Variants in PSME4 observed in about 807,000 individuals in gnomAD.
PSME4 encodes the protein proteasome activator subunit 4.
In PSME4, 89 loss-of-function variants were observed where a neutral mutation model predicts 253.9. That is an observed-to-expected ratio of 0.35 (90% CI 0.30 to 0.42). PSME4 has a LOEUF of 0.42. Among genes scored for constraint, PSME4 ranks in the 10% least tolerant of loss-of-function variants. The pLI is 1.00. For synonymous variants in PSME4, 851 were observed against 759.2 expected (o/e 1.12, Z -1.99); for missense variants, 2,014 against 2,195.2 (o/e 0.92, Z 1.65).
rs1457862455 is a variant in PSME4 at position 53,865,561 on chromosome 2, G to A, written c.*17C>T. The A allele has an allele frequency of 1.3e-5, 2 of 152,324 alleles. No individual in the cohort carries two copies. The highest frequency in any genetic ancestry group is 4.8e-5 in the African/African-American group (2 of 41,432). 9.4% of individuals were successfully genotyped at this position (152,324 alleles called of 1,614,324 possible). On this transcript the variant is annotated 3_prime_UTR_variant, in exon 47 of 47. Coordinates refer to ENST00000404125, the MANE Select transcript of PSME4 (RefSeq NM_014614.3). Reference sequence around the variant, plus strand: ...ATTTTTGATGAAAAGAGCCTGAAGTGAGGACTAGTCATCTGTATCAGGGAG... The same window carrying A: ...ATTTTTGATGAAAAGAGCCTGAAGTAAGGACTAGTCATCTGTATCAGGGAG...
intron 26 of PSME4, among the ~76,000 whole-genome samples, chr2:53,905,222 G>T (rs888164951): frequency 2.0e-5 from 3 of 151,514 alleles, no homozygotes; most frequent in Admixed American, 2.0e-4. Context: ...TAGGGAGGGG[G>T]TTTCACCATG....
At chr2:53,880,531 G>C (rs1367059977) in intron 41 of PSME4, among the ~76,000 whole-genome samples, 1 of 152,102 alleles carries the variant, frequency 6.6e-6, no homozygotes, top group Non-Finnish European at 1.5e-5. Flanking sequence ...AAGAGCCAGA[G>C]GTTCCATCAA....
At chr2:53,876,391 C>G (rs1490512670) in intron 41 of PSME4, among the ~76,000 whole-genome samples, 1 of 151,990 alleles carries the variant, frequency 6.6e-6, no homozygotes, top group Non-Finnish European at 1.5e-5. Context: ...ATTCCTTGGC[C>G]CCAGTAAGTC....
At chr2:53,907,518 G>A (rs1443443225) in intron 24 of PSME4, among the ~76,000 whole-genome samples, 12 of 152,110 alleles carry the variant, frequency 7.9e-5, no homozygotes, top group Non-Finnish European at 1.5e-5. Context: ...CTTGCTTACA[G>A]TATCAATCTC....
At chr2:53,904,372 C>T (rs1369886562) in intron 26 of PSME4, among the ~76,000 whole-genome samples, 2 of 152,296 alleles carry the variant, frequency 1.3e-5, no homozygotes, top group East Asian at 1.9e-4. Context: ...GTTTAGGTTA[C>T]ACTGACTGAA....
At chr2:53,890,422 T>G (rs1679852806) in intron 36 of PSME4, among the ~76,000 whole-genome samples, 1 of 152,180 alleles carries the variant, frequency 6.6e-6, no homozygotes, top group Non-Finnish European at 1.5e-5. Context: ...TCCACTCGCT[T>G]CAGCCTTCCA....
chr2:53,946,077 T>G (rs1426963164), intron 3 of PSME4, among the ~76,000 whole-genome samples: 2 of 152,182 alleles, frequency 1.3e-5, no homozygotes, highest in Non-Finnish European at 2.9e-5. Flanking sequence ...CAATAAGCAC[T>G]GACTGACCAA....
At chr2:53,940,718 G>T (rs541757189) in intron 3 of PSME4, among the ~76,000 whole-genome samples, 8 of 149,716 alleles carry the variant, frequency 5.3e-5, no homozygotes, top group East Asian at 2.0e-4. Context: ...ATAGTCAAGC[G>T]GTCAAATGCA....
intron 1 of PSME4, among the ~76,000 whole-genome samples, chr2:53,958,869 G>C (rs1670353750): frequency 1.4e-5 from 2 of 144,506 alleles, no homozygotes; most frequent in Admixed American, 1.4e-4. Context: ...CAGATAAAAA[G>C]TAACAGTGTT....
chr2:53,908,251 T>C, intron 24 of PSME4, 69 bp downstream of exon 24: 2 of 1,239,148 alleles, frequency 1.6e-6, no homozygotes, highest in Non-Finnish European at 2.3e-6. Flanking sequence ...TGCTGAATAA[T>C]ACCCAAATTA....
intron 1 of PSME4, among the ~76,000 whole-genome samples, chr2:53,963,244 C>A (rs144993391): frequency 6.6e-6 from 1 of 151,784 alleles, no homozygotes; most frequent in African/African-American, 2.4e-5. Flanking sequence ...GAGGATCGCT[C>A]GAGGCCAGGA....
At chr2:53,946,144 A>T (rs1353068951) in intron 3 of PSME4, among the ~76,000 whole-genome samples, 1 of 152,232 alleles carries the variant, frequency 6.6e-6, no homozygotes, top group Non-Finnish European at 1.5e-5. Context: ...AAAGCCATAG[A>T]TACTTATTAA....
chr2:53,916,420 T>C (rs1668067105), intron 20 of PSME4, among the ~76,000 whole-genome samples: 1 of 152,166 alleles, frequency 6.6e-6, no homozygotes. Context: ...CAATTATGTG[T>C]TTCATTTTCT....
Position 53,970,973 on chromosome 2 carries a change from G to A in PSME4, c.-189C>T, listed in dbSNP as rs927041964. 1.0e-5 allele frequency: 5 copies of A among 480,124 alleles called. No individual in the cohort carries two copies. Among genetic ancestry groups the A allele is most frequent in the South Asian group, 4.4e-5 (1 of 22,894 alleles). 29.7% of individuals were successfully genotyped at this position (480,124 alleles called of 1,614,324 possible). On this transcript the variant is annotated 5_prime_UTR_variant, in exon 1 of 47. Transcript: ENST00000404125. ...GGCCCCACGCGGCTCTCAGTTCGTT[G>A]GCGGCGGCAGCGGCCGCTCTGCCCG...
intron 41 of PSME4, among the ~76,000 whole-genome samples, chr2:53,880,147 G>A (rs1679315758): frequency 6.6e-6 from 1 of 152,160 alleles, no homozygotes; most frequent in Non-Finnish European, 1.5e-5. Flanking sequence ...ACAAAGAGGT[G>A]TGCAAAAGCT....
At chr2:53,941,171 T>C (rs1278454743) in intron 3 of PSME4, among the ~76,000 whole-genome samples, 3 of 145,280 alleles carry the variant, frequency 2.1e-5, no homozygotes, top group Non-Finnish European at 4.5e-5. Context: ...CAACATATTA[T>C]ATAACCAAGA....
rs773674862 is a variant in PSME4, at chr2:53,949,300, GAT to G, written c.243-19_243-18del. 1.3e-6 allele frequency: 2 copies of G among 1,498,732 alleles called. No homozygotes were observed. The highest frequency in any genetic ancestry group is 2.3e-5 in the East Asian group (1 of 43,124). 92.8% of individuals were successfully genotyped at this position (1,498,732 alleles called of 1,614,324 possible). A position where few individuals can be genotyped will look rare whatever the true frequency, so the allele number is the denominator to read the frequency against. On this transcript the variant is annotated intron_variant, in intron 1 of 46. Transcript: ENST00000404125. ...CGAATATATCTGCAAGAGAAAAATA[GAT>G]ATACCCTTTAAAAATAGGTATGATG...
At chr2:53,946,092 A>C (rs1187317551) in intron 3 of PSME4, among the ~76,000 whole-genome samples, 1 of 152,200 alleles carries the variant, frequency 6.6e-6, no homozygotes, top group Non-Finnish European at 1.5e-5. Flanking sequence ...GACCAATACT[A>C]ATAGAAAATT....
Position 53,932,146 on chromosome 2 carries a change from G to A in PSME4, c.1051-46C>T, listed in dbSNP as rs368502341. ...AGTTCTAAGTAGGTTCTACTTTGCCGCATAGACATTCATGGTTGCTCTCTA... is the reference window on the plus strand; with the variant it reads ...AGTTCTAAGTAGGTTCTACTTTGCCACATAGACATTCATGGTTGCTCTCTA... On this transcript the variant is annotated intron_variant, in intron 9 of 46. Coordinates refer to ENST00000404125, the MANE Select transcript of PSME4 (RefSeq NM_014614.3). 6.6e-5 allele frequency: 103 copies of A among 1,550,454 alleles called. No individual in the cohort carries two copies. In the South Asian group the frequency reaches 7.2e-4, roughly 11 times the overall value.
Sources: allele counts gnomAD v4.1 joint callset (sites outside exome capture counted in the v4.1 genomes callset), GRCh38; gene constraint gnomAD v4.1.1; transcripts MANE v1.5; gene names NCBI Gene and HGNC (gene_info 2026-07-23, HGNC 2026-07-21).